The following MPPED1 variants were observed in gnomAD, a reference collection of about 807,000 sequenced individuals.
MPPED1 encodes the protein metallophosphoesterase domain containing 1.
Under a neutral mutation model 36.2 loss-of-function variants are expected in MPPED1, and 16 were observed. The ratio of observed to expected loss-of-function variants is 0.44; its 90% CI spans 0.30 to 0.67. The LOEUF is 0.67. Among genes scored for constraint, MPPED1 ranks in the 30% least tolerant of loss-of-function variants. The pLI is 0.10. For missense variants in MPPED1, 307 were observed against 453.4 expected, an observed-to-expected ratio of 0.68 and a Z score of 2.93; for synonymous variants, 199 against 191.3, an observed-to-expected ratio of 1.04 and a Z score of -0.33.
intron 5 of MPPED1, among the ~76,000 whole-genome samples, chr22:43,500,223 G>GTGGTGATGGTGA (rs1932650566): frequency 1.0e-5 from 1 of 97,488 alleles, no homozygotes; most frequent in Non-Finnish European, 2.1e-5. Context: ...GGGGGTGATG[G>GTGGTGATGGTGA]TGGAGGTGGT....
At position 43,425,137 on chromosome 22, in the gene MPPED1, G is replaced by T; in HGVS notation, c.152G>T (p.Ser51Ile). The T allele has an allele frequency of 6.2e-7, 1 of 1,613,734 alleles. No homozygotes were observed. Among genetic ancestry groups the T allele is most frequent in the Non-Finnish European group, 8.5e-7 (1 of 1,179,782 alleles). ...CTCATCATCGAGGTGGACGAGTACA[G>T]CTCCAACCCCACCCAGGCCTTCACC... ...SRLIIEVDEY[S>I]SNPTQAFTFY... The change falls in exon 2 of 7, where the codon AGC becomes ATC. Residue 51 changes from serine (S) to isoleucine (I), a missense_variant. By Grantham distance (142) the Ser-to-Ile change is moderately radical. Around this residue, in one of 3 missense-constraint regions of MPPED1, gnomAD observed 169 missense variants for 212.3 expected, o/e 0.80. Transcript: ENST00000443721.
At chr22:43,488,208 C>T (rs1485018922) in intron 4 of MPPED1, among the ~76,000 whole-genome samples, 1 of 152,160 alleles carries the variant, frequency 6.6e-6, no homozygotes, top group East Asian at 1.9e-4. Context: ...CAGCCTCATG[C>T]CCCGGCCCGG....
At chr22:43,417,174 A>G (rs949111754) in intron 1 of MPPED1, among the ~76,000 whole-genome samples, 4 of 152,212 alleles carry the variant, frequency 2.6e-5, no homozygotes, top group African/African-American at 9.6e-5. Flanking sequence ...TTTAAGTGGT[A>G]AATGCTTTAA....
Position 43,502,435 on chromosome 22 carries a change from A to T in MPPED1, c.749-209A>T, listed in dbSNP as rs28485670. Among the ~76,000 whole-genome samples the T allele has an allele frequency of 6.6e-6, 1 of 151,942 alleles. No individual in the cohort carries two copies. Among genetic ancestry groups the T allele is most frequent in the Non-Finnish European group, 1.5e-5 (1 of 67,944 alleles). On this transcript the variant is annotated intron_variant, in intron 5 of 6. Transcript: ENST00000443721. This position sits in a 1 kb window ranked among gnomAD's most constrained non-coding sequence, Gnocchi z 5.5. ...CCTCAGTGCAGCCCTATGGAGGAGG[A>T]GGGTGAGGCTGCAAGGTCCTGAATG... is the stretch of plus-strand genomic sequence containing the variant.
chr22:43,498,469 G>C (rs969333420), intron 5 of MPPED1, 119 bp downstream of exon 5: 3 of 693,004 alleles, frequency 4.3e-6, no homozygotes, highest in Non-Finnish European at 7.0e-6. Flanking sequence ...AGTCCCACTT[G>C]CTGGGGCACT....
At chr22:43,500,371 G>GGGTGGTGGA (rs1365712322) in intron 5 of MPPED1, among the ~76,000 whole-genome samples, 2 of 119,542 alleles carry the variant, frequency 1.7e-5, no homozygotes, top group South Asian at 2.8e-4. Flanking sequence ...GTGGTGATGG[G>GGGTGGTGGA]GGTGGTGGTG....
chr22:43,433,798 A>G (rs2146832652), intron 2 of MPPED1, among the ~76,000 whole-genome samples: 2 of 152,330 alleles, frequency 1.3e-5, no homozygotes, highest in East Asian at 3.9e-4. Flanking sequence ...TGTCTTTAAA[A>G]GTATTTATGT....
chr22:43,501,773 C>T (rs1932742174), intron 5 of MPPED1, among the ~76,000 whole-genome samples: 1 of 152,116 alleles, frequency 6.6e-6, no homozygotes, highest in South Asian at 2.1e-4. Flanking sequence ...CTGCCCCCAG[C>T]CTGTGCCCAA....
intron 5 of MPPED1, among the ~76,000 whole-genome samples, chr22:43,501,690 A>C (rs1326422231): frequency 6.6e-6 from 1 of 152,168 alleles, no homozygotes; most frequent in Non-Finnish European, 1.5e-5. Context: ...AAACGGAGGC[A>C]CAGAGAGGTT....
chr22:43,497,011 GGTA>G lies in MPPED1; in HGVS notation c.633-1221_633-1219del, dbSNP rs1262527599. The stretch of plus-strand genomic sequence containing the variant: ...TGGTGGTGGAGGTGGTGGTGGTGGA[GGTA>G]GTGGTGGTGGAAGTGGTGGTGGTGG... On this transcript the variant is annotated intron_variant, in intron 4 of 6. Transcript: ENST00000443721. Among the ~76,000 whole-genome samples, 4 of 138,412 alleles carry G rather than the reference GGTA, an allele frequency of 2.9e-5. No individual in the cohort carries two copies. The East Asian group carries it at 7.2e-4, about 25-fold the overall frequency. The allele number at this position is 138,412 out of a possible 152,430, so 90.8% of individuals were successfully genotyped here.
intron 4 of MPPED1, among the ~76,000 whole-genome samples, chr22:43,493,749 A>T (rs1932172822): frequency 6.6e-6 from 1 of 151,958 alleles, no homozygotes; most frequent in Non-Finnish European, 1.5e-5. Context: ...TTATTTTCCC[A>T]CCCCTGGTCC....
At chr22:43,457,534 A>G (rs1489831306) in intron 3 of MPPED1, among the ~76,000 whole-genome samples, 1 of 152,048 alleles carries the variant, frequency 6.6e-6, no homozygotes. Flanking sequence ...AGTAGGATTT[A>G]TATCTGCCAT....
intron 4 of MPPED1, among the ~76,000 whole-genome samples, chr22:43,485,372 G>T (rs1602005896): frequency 6.6e-6 from 1 of 151,234 alleles, no homozygotes; most frequent in Non-Finnish European, 1.5e-5. Context: ...ATACACATAT[G>T]AATTCACCCA....
chr22:43,502,875 T>C lies in MPPED1; in HGVS notation c.862+118T>C. The C allele has an allele frequency of 1.2e-6, 1 of 821,994 alleles. No homozygotes were observed. The highest frequency in any genetic ancestry group is 2.0e-6 in the Non-Finnish European group (1 of 488,512). 50.9% of individuals were successfully genotyped at this position (821,994 alleles called of 1,614,324 possible). A position where few individuals can be genotyped will look rare whatever the true frequency, so the allele number is the denominator to read the frequency against. On this transcript the variant is annotated intron_variant, in intron 6 of 6. Coordinates refer to ENST00000443721, the MANE Select transcript of MPPED1 (RefSeq NM_001044370.2). This position sits in a 1 kb window ranked among gnomAD's most constrained non-coding sequence, Gnocchi z 5.5. ...TAAATAGCCCATTCCTACTGTTCGC[T>C]TTGTAACTGCTAACTGCCATACACA... is the stretch of plus-strand genomic sequence containing the variant.
chr22:43,431,021 ATTTTTTTTTTTTTTTTTTTT>A (rs135076), intron 2 of MPPED1, among the ~76,000 whole-genome samples: 15 of 42,308 alleles, frequency 3.5e-4, no homozygotes, highest in East Asian at 7.3e-4. Flanking sequence ...GTTGTTGTTA[ATTTTTTTTTTTTTTTTTTTT>A]TTTTTTTTTT....
intron 4 of MPPED1, among the ~76,000 whole-genome samples, chr22:43,482,138 C>A (rs553499467): frequency 1.3e-5 from 2 of 152,118 alleles, no homozygotes; most frequent in Non-Finnish European, 2.9e-5. Context: ...TAAAAAAAAT[C>A]CCGTATACAT....
At chr22:43,484,392 G>C (rs139244540) in intron 4 of MPPED1, among the ~76,000 whole-genome samples, 1 of 152,200 alleles carries the variant, frequency 6.6e-6, no homozygotes, top group Non-Finnish European at 1.5e-5. Context: ...TGGCTCAGGC[G>C]TGTAGACTTG....
chr22:43,495,486 TGGAGGTAGTGGTGGTGGA>T lies in MPPED1; in HGVS notation c.633-2746_633-2729del, dbSNP rs1932254060. Among the ~76,000 whole-genome samples, 3 of 23,440 alleles carry T rather than the reference TGGAGGTAGTGGTGGTGGA, an allele frequency of 1.3e-4. No individual in the cohort carries two copies. In the African/African-American group the frequency reaches 2.1e-3, roughly 16 times the overall value. 15.4% of individuals were successfully genotyped at this position (23,440 alleles called of 152,430 possible). The stretch of plus-strand genomic sequence containing the variant: ...GTGCTGGTGATGGTGGAGGTGGTGG[TGGAGGTAGTGGTGGTGGA>T]GGTGGTGGTGGTGGTGGAGGTGGTG... On this transcript the variant is annotated intron_variant, in intron 4 of 6. Coordinates refer to ENST00000443721, the MANE Select transcript of MPPED1 (RefSeq NM_001044370.2).
rs567395550 is a variant in MPPED1, at chr22:43,474,809, C to T, written c.480C>T (p.Ala160=). The change falls in exon 4 of 7, where the codon GCC becomes GCT. Residue 160 remains alanine (A), a synonymous_variant. Coordinates refer to ENST00000443721, the MANE Select transcript of MPPED1 (RefSeq NM_001044370.2). This position sits in a 1 kb window ranked among gnomAD's most constrained non-coding sequence, Gnocchi z 5.2. ...TGACCTTTGACCAGGAGTTCATGGC[C>T]GACCTCATCAAGCAGGACTTTTACT... ...HELTFDQEFM[A]DLIKQDFYYF... is the part of the protein sequence containing the mutation. The T allele has an allele frequency of 2.1e-5, 34 of 1,614,024 alleles. 1 individual carries two copies. The highest frequency in any genetic ancestry group is 1.6e-4 in the Middle Eastern group (1 of 6,062).
Sources: gnomAD v4.1 joint callset for allele counts (sites outside exome capture counted in the v4.1 genomes callset) on GRCh38, gnomAD v4.1.1 for gene constraint, gnomAD v4.1.1 regional missense constraint, Gnocchi (gnomAD v3.1) non-coding constraint, MANE v1.5 for transcripts, NCBI Gene and HGNC (gene_info 2026-07-23, HGNC 2026-07-21) for gene names.